Variants in COL5A2 observed in about 807,000 individuals in gnomAD.
COL5A2 encodes the protein collagen alpha-2(V) chain.
Under a neutral mutation model 208.2 loss-of-function variants are expected in COL5A2, and 23 were observed. The observed-to-expected ratio is 0.11, with a 90% CI of 0.08 to 0.16. COL5A2 has a LOEUF of 0.16. Among genes scored for constraint, COL5A2 ranks in the 10% least tolerant of loss-of-function variants. The probability of loss-of-function intolerance (pLI) is 1.00; values close to 1 mark genes in which losing one functional copy is unlikely to be tolerated. For synonymous variants in COL5A2, 625 were observed against 628.5 expected (o/e 0.99, Z 0.08); for missense variants, 1,590 against 1,956.4 (o/e 0.81, Z 3.53).
the COL5A2 span, among the ~76,000 whole-genome samples, chr2:189,409,634 A>C: frequency 1.3e-5 from 2 of 152,202 alleles, no homozygotes; most frequent in African/African-American, 4.8e-5. Flanking sequence ...CTTAAAAACT[A>C]TTCACTTAAT....
intron 2 of COL5A2, among the ~76,000 whole-genome samples, chr2:189,106,157 T>C (rs1233432519): frequency 6.6e-6 from 1 of 151,512 alleles, no homozygotes; most frequent in African/African-American, 2.4e-5. Context: ...TCAAAGAAAG[T>C]GTGCTATGTT....
intron 1 of COL5A2, among the ~76,000 whole-genome samples, chr2:189,195,986 C>T (rs927772577): frequency 1.3e-5 from 2 of 152,072 alleles, no homozygotes; most frequent in East Asian, 3.9e-4. Context: ...ATCTTCTGCA[C>T]AGCAAAAGAA....
chr2:189,329,559 T>C, the COL5A2 span, among the ~76,000 whole-genome samples: 1 of 152,182 alleles, frequency 6.6e-6, no homozygotes, highest in East Asian at 1.9e-4. Context: ...AATGCATACA[T>C]ATATCAAAAC....
At chr2:189,272,669 A>T in the COL5A2 span, among the ~76,000 whole-genome samples, 23 of 150,536 alleles carry the variant, frequency 1.5e-4, no homozygotes, top group East Asian at 4.0e-4. Flanking sequence ...ATTTTTTTAA[A>T]AAAAATCTCA....
At chr2:189,213,601 ACTACAGG>A (rs1171842858) in intron 1 of COL5A2, among the ~76,000 whole-genome samples, 2 of 152,230 alleles carry the variant, frequency 1.3e-5, no homozygotes, top group Non-Finnish European at 2.9e-5. Context: ...ACTGTAGGAA[ACTACAGG>A]CTATGGCCTG....
chr2:189,111,574 T>G (rs1330167929), intron 1 of COL5A2, among the ~76,000 whole-genome samples: 1 of 85,088 alleles, frequency 1.2e-5, no homozygotes, highest in Non-Finnish European at 3.1e-5. Flanking sequence ...CTTTTCTGAC[T>G]ACCCTGCAAA....
At chr2:189,058,706 C>G in intron 32 of COL5A2, 143 bp downstream of exon 32, 2 of 919,384 alleles carry the variant, frequency 2.2e-6, no homozygotes, top group Non-Finnish European at 3.4e-6. Flanking sequence ...TTTCATAGCA[C>G]AAAATATTTC....
At chr2:189,395,237 C>G in the COL5A2 span, among the ~76,000 whole-genome samples, 1 of 152,022 alleles carries the variant, frequency 6.6e-6, no homozygotes, top group Non-Finnish European at 1.5e-5. Flanking sequence ...TTTCTTCATC[C>G]CTTTCGTGGT....
the COL5A2 span, among the ~76,000 whole-genome samples, chr2:189,371,512 G>A: frequency 1.3e-5 from 2 of 152,212 alleles, no homozygotes; most frequent in South Asian, 2.1e-4. Context: ...GCTAGGCTGA[G>A]AAGGTCTCAG....
chr2:189,211,522 A>G (rs932189197), intron 1 of COL5A2, among the ~76,000 whole-genome samples: 1 of 152,214 alleles, frequency 6.6e-6, no homozygotes, highest in Non-Finnish European at 1.5e-5. Flanking sequence ...AATAGTTCTT[A>G]TATATCAATG....
chr2:189,365,973 C>T, the COL5A2 span, among the ~76,000 whole-genome samples: 8 of 152,320 alleles, frequency 5.3e-5, no homozygotes, highest in African/African-American at 1.7e-4. Context: ...AAGACCTTGA[C>T]AGGTCTGCAG....
At chr2:189,078,968 A>T in intron 15 of COL5A2, 95 bp downstream of exon 15, 1 of 997,046 alleles carries the variant, frequency 1.0e-6, no homozygotes, top group Non-Finnish European at 1.6e-6. Flanking sequence ...TTGTCCATTT[A>T]TTTTTATTTT....
the COL5A2 span, among the ~76,000 whole-genome samples, chr2:189,345,570 G>C: frequency 2.7e-4 from 41 of 152,218 alleles, no homozygotes; most frequent in African/African-American, 9.9e-4. Context: ...TAACTTATTA[G>C]ATAAGTATCT....
chr2:189,040,680 A>G (rs983883179), intron 50 of COL5A2, among the ~76,000 whole-genome samples: 3 of 152,140 alleles, frequency 2.0e-5, no homozygotes, highest in East Asian at 3.9e-4. Flanking sequence ...TCCTGTCTCT[A>G]AGGTCATATA....
Position 189,049,442 on chromosome 2 carries a change from T to C in COL5A2, c.3052A>G (p.Lys1018Glu). The C allele has an allele frequency of 6.2e-7, 1 of 1,612,768 alleles. No individual in the cohort carries two copies. Among genetic ancestry groups the C allele is most frequent in the Non-Finnish European group, 8.5e-7 (1 of 1,179,280 alleles). ...CCTGTTGCACCAGTTGGTCCTACTT[T>C]TCCTGGTGTTCCCTGAAATAGAAGT... ...GLPGPAGTPG[K>E]VGPTGATGDK... Residue 1018 changes from lysine to glutamate, a missense_variant, in exon 44 of 54, where the codon AAA becomes GAA. Coordinates refer to ENST00000374866, the MANE Select transcript of COL5A2 (RefSeq NM_000393.5).
the COL5A2 span, among the ~76,000 whole-genome samples, chr2:189,292,437 G>A: frequency 6.6e-6 from 1 of 152,098 alleles, no homozygotes; most frequent in East Asian, 1.9e-4. Flanking sequence ...TCAAAAAGGG[G>A]GCAAAGGACA....
intron 16 of COL5A2, among the ~76,000 whole-genome samples, chr2:189,076,980 C>T (rs557669107): frequency 4.8e-4 from 73 of 152,148 alleles, no homozygotes; most frequent in Non-Finnish European, 9.6e-4. Flanking sequence ...GTGAGAGTAT[C>T]GCTTGAGCCC....
intron 1 of COL5A2, among the ~76,000 whole-genome samples, chr2:189,221,197 A>C (rs574014395): frequency 6.0e-4 from 91 of 152,294 alleles, no homozygotes; most frequent in African/African-American, 2.1e-3. Flanking sequence ...CAATATTCAT[A>C]CTCTTAAACA....
chr2:189,072,943 TACTCTA>T (rs571560355), intron 17 of COL5A2, among the ~76,000 whole-genome samples: 24 of 152,222 alleles, frequency 1.6e-4, no homozygotes, highest in South Asian at 4.1e-4. Context: ...TAGTACAGAT[TACTCTA>T]ACTCTAAGGA....
Sources: allele counts gnomAD v4.1 joint callset (sites outside exome capture counted in the v4.1 genomes callset), GRCh38; gene constraint gnomAD v4.1.1; transcripts MANE v1.5; gene names NCBI Gene and HGNC (gene_info 2026-07-23, HGNC 2026-07-21).